The following ZNF469 variants were observed in gnomAD, a reference collection of about 807,000 sequenced individuals.
The protein encoded by ZNF469 is zinc finger protein 469.
A neutral mutation model predicts 1.0 loss-of-function variants in ZNF469; 1 was observed. The ratio of observed to expected loss-of-function variants is 1.00; its 90% CI spans 0.35 to 4.73. The LOEUF (loss-of-function observed/expected upper bound fraction) is 4.73, where lower values mean the gene tolerates loss of function less well. Ranked by LOEUF, ZNF469 falls within the 30% of genes most tolerant of loss-of-function variation. The probability of loss-of-function intolerance (pLI) is 0.16; values close to 1 mark genes in which losing one functional copy is unlikely to be tolerated. For missense variants in ZNF469, 6,100 were observed against 5,356.3 expected, an observed-to-expected ratio of 1.14 and a Z score of -4.33; for synonymous variants, 2,703 against 2,363.4, an observed-to-expected ratio of 1.14 and a Z score of -4.17.
At chr16:88,123,027 T>G in the ZNF469 span, among the ~76,000 whole-genome samples, 1 of 152,112 alleles carries the variant, frequency 6.6e-6, no homozygotes, top group Non-Finnish European at 1.5e-5. Context: ...TCAGATTGCC[T>G]CTTTGTTGGC....
chr16:88,429,045 C>G lies in ZNF469; in HGVS notation c.1575C>G (p.Gly525=). Residue 525 remains glycine (G), a synonymous_variant, in exon 3 of 3, where the codon GGC becomes GGG. Transcript: ENST00000565624. ...GCCAAGGAGCCCTGGGCACTGCTGG[C>G]AAGACACCGGGACCCAGAGAGAAGC... The part of the protein sequence containing the change: ...GGSQGALGTA[G]KTPGPREKLP... 1 of 1,549,864 alleles carries G rather than the reference C, an allele frequency of 6.5e-7. No individual in the cohort carries two copies. The highest frequency in any genetic ancestry group is 8.7e-7 in the Non-Finnish European group (1 of 1,146,852).
At chr16:88,318,309 C>A in the ZNF469 span, among the ~76,000 whole-genome samples, 1 of 152,202 alleles carries the variant, frequency 6.6e-6, no homozygotes, top group Non-Finnish European at 1.5e-5. Context: ...AGGGGCTGCC[C>A]TTTTTAGCCT....
chr16:88,429,017 G>A lies in ZNF469; in HGVS notation c.1547G>A (p.Gly516Asp). 1.3e-6 allele frequency: 2 copies of A among 1,549,402 alleles called. No homozygotes were observed. Among genetic ancestry groups the A allele is most frequent in the South Asian group, 1.2e-5 (1 of 84,054 alleles). The part of the protein sequence containing the change: ...FPAGGPEWQG[G>D]SQGALGTAGK... ...GCGGGGGGCCCCGAGTGGCAGGGGG[G>A]CAGCCAAGGAGCCCTGGGCACTGCT... Residue 516 changes from glycine to aspartate, a missense_variant, in exon 3 of 3, where the codon GGC becomes GAC. Physicochemically the swap from Gly to Asp is moderately conservative, Grantham distance 94. Transcript: ENST00000565624.
chr16:88,428,550 T>G lies in ZNF469; in HGVS notation c.1080T>G (p.Ala360=), dbSNP rs1467585255. The change falls in exon 3 of 3, where the codon GCT becomes GCG. Residue 360 remains alanine, a synonymous_variant. Coordinates refer to ENST00000565624, the MANE Select transcript of ZNF469 (RefSeq NM_001367624.2). ...DLSGALSSPG[A]AHSAPRPFSD... is the part of the protein sequence containing the mutation. ...GTGGTGCCCTCTCTTCCCCTGGAGC[T>G]GCTCACTCGGCCCCGAGACCCTTCT... is the stretch of plus-strand genomic sequence containing the variant. The G allele has an allele frequency of 1.3e-6, 2 of 1,550,106 alleles. No homozygotes were observed. Among genetic ancestry groups the G allele is most frequent in the South Asian group, 1.2e-5 (1 of 84,062 alleles).
chr16:88,406,521 G>T (rs556056732), intron 1 of ZNF469, among the ~76,000 whole-genome samples: 9 of 152,352 alleles, frequency 5.9e-5, no homozygotes, highest in African/African-American at 2.2e-4. Context: ...GGATCTCCAG[G>T]TTATCGGAAG....
At position 88,383,058 on chromosome 16, in the gene ZNF469, G is replaced by T. The variant is rs892889704; in HGVS notation, c.-388G>T. ...CCCGCGGCGACCTGGGCAGGGTGGC[G>T]GCTGCTCCCTCTCCTCCCACCCCGC... On this transcript the variant is annotated 5_prime_UTR_variant, in exon 1 of 3. Coordinates refer to ENST00000565624, the MANE Select transcript of ZNF469 (RefSeq NM_001367624.2). Among the ~76,000 whole-genome samples, 9 of 151,410 alleles carry T rather than the reference G, an allele frequency of 5.9e-5. No individual in the cohort carries two copies. Among genetic ancestry groups the T allele is most frequent in the Non-Finnish European group, 1.3e-4 (9 of 67,838 alleles).
Position 88,428,689 on chromosome 16 carries a change from C to G in ZNF469, c.1219C>G (p.Pro407Ala). Residue 407 changes from proline (P) to alanine (A), a missense_variant, in exon 3 of 3, where the codon CCA becomes GCA. Pro to Ala is a conservative substitution (Grantham distance 27). Coordinates refer to ENST00000565624, the MANE Select transcript of ZNF469 (RefSeq NM_001367624.2). ...PPSSLPQRHF[P>A]GQAYRASGVD... ...TAGCTCCCTACCCCAGAGGCACTTT[C>G]CAGGGCAGGCGTACAGAGCCAGTGG... 1.3e-6 allele frequency: 2 copies of G among 1,549,618 alleles called. No homozygotes were observed. Among genetic ancestry groups the G allele is most frequent in the Non-Finnish European group, 1.7e-6 (2 of 1,146,832 alleles).
chr16:88,380,675 G>A (rs1311227803), upstream of ZNF469, among the ~76,000 whole-genome samples: 1 of 98,122 alleles, frequency 1.0e-5, no homozygotes, highest in Non-Finnish European at 2.0e-5. Context: ...CCTCACACAA[G>A]ACATGCATTC....
the ZNF469 span, among the ~76,000 whole-genome samples, chr16:88,130,126 G>T: frequency 1.2e-4 from 18 of 152,298 alleles, no homozygotes; most frequent in South Asian, 3.7e-3. Flanking sequence ...TTACCATCGG[G>T]CGCTGTTTGT....
chr16:88,260,308 C>T, the ZNF469 span, among the ~76,000 whole-genome samples: 1 of 152,240 alleles, frequency 6.6e-6, no homozygotes, highest in Non-Finnish European at 1.5e-5. This position sits in a 1 kb window ranked among gnomAD's most constrained non-coding sequence, Gnocchi z 4.1. Flanking sequence ...CTTTAAAAAG[C>T]ATTCGGCTGA....
the ZNF469 span, among the ~76,000 whole-genome samples, chr16:88,258,626 C>T: frequency 3.3e-5 from 5 of 151,914 alleles, no homozygotes; most frequent in Admixed American, 3.3e-4. Flanking sequence ...GCATTTGGCA[C>T]AGACCCATGA....
intron 1 of ZNF469, among the ~76,000 whole-genome samples, chr16:88,415,103 G>C (rs1434354856): frequency 2.6e-5 from 4 of 152,240 alleles, no homozygotes; most frequent in Non-Finnish European, 5.9e-5. Flanking sequence ...CCCTCTCTGA[G>C]CCTCGGTTTC....
At chr16:88,269,718 C>T in the ZNF469 span, among the ~76,000 whole-genome samples, 1 of 152,078 alleles carries the variant, frequency 6.6e-6, no homozygotes, top group African/African-American at 2.4e-5. Flanking sequence ...CTGACCAATC[C>T]CCCCAGCACA....
At chr16:88,258,198 A>G in the ZNF469 span, among the ~76,000 whole-genome samples, 1 of 141,128 alleles carries the variant, frequency 7.1e-6, no homozygotes, top group Admixed American at 7.2e-5. Context: ...TGGGAGACAC[A>G]TAACAGAGAA....
chr16:88,405,731 T>TC (rs1307438682), intron 1 of ZNF469, among the ~76,000 whole-genome samples: 1 of 151,996 alleles, frequency 6.6e-6, no homozygotes, highest in Non-Finnish European at 1.5e-5. Context: ...CTCCCGGCAC[T>TC]CCAAGCCGCC....
chr16:88,117,511 G>T, the ZNF469 span, among the ~76,000 whole-genome samples: 1 of 150,966 alleles, frequency 6.6e-6, no homozygotes, highest in Non-Finnish European at 1.5e-5. Context: ...GAAGACCCTG[G>T]GGAGGGCTGG....
the ZNF469 span, among the ~76,000 whole-genome samples, chr16:88,232,027 C>T: frequency 6.6e-6 from 1 of 152,144 alleles, no homozygotes; most frequent in African/African-American, 2.4e-5. Context: ...ATGGTGGACC[C>T]TCCGGGCAGG....
At chr16:88,310,449 C>T in the ZNF469 span, among the ~76,000 whole-genome samples, 1 of 152,148 alleles carries the variant, frequency 6.6e-6, no homozygotes, top group African/African-American at 2.4e-5. Flanking sequence ...CGTGCTGCCC[C>T]TTCTTCCCGG....
chr16:88,224,393 C>T, the ZNF469 span, among the ~76,000 whole-genome samples: 2 of 152,342 alleles, frequency 1.3e-5, no homozygotes, highest in South Asian at 2.1e-4. Flanking sequence ...TCACTGTTGG[C>T]GCGGATGAGG....
Sources: gnomAD v4.1 joint callset for allele counts (sites outside exome capture counted in the v4.1 genomes callset) on GRCh38, gnomAD v4.1.1 for gene constraint, Gnocchi (gnomAD v3.1) non-coding constraint, MANE v1.5 for transcripts, NCBI Gene and HGNC (gene_info 2026-07-23, HGNC 2026-07-21) for gene names.